Variants in CADPS observed in about 807,000 individuals in gnomAD.
CADPS encodes calcium dependent secretion activator.
CADPS carries 57 observed loss-of-function variants against 167.3 expected under a neutral mutation model. That is an observed-to-expected ratio of 0.34 (90% CI 0.28 to 0.42). The LOEUF is 0.42. Ranked by LOEUF, CADPS falls within the 20% of genes least tolerant of loss-of-function variation. The pLI is 1.00. For synonymous variants in CADPS, 676 were observed against 635.3 expected (o/e 1.06, Z -0.96); for missense variants, 1,414 against 1,738.1 (o/e 0.81, Z 3.32).
At chr3:62,836,198 T>G (rs1186042595) in intron 1 of CADPS, among the ~76,000 whole-genome samples, 1 of 152,198 alleles carries the variant, frequency 6.6e-6, no homozygotes, top group Admixed American at 6.5e-5. Flanking sequence ...TGGTCTAATA[T>G]GAACTTTGAA....
chr3:62,716,277 C>T (rs304197), intron 3 of CADPS, among the ~76,000 whole-genome samples: 9,938 of 152,088 alleles, frequency 0.065, 372 homozygotes, highest in Middle Eastern at 0.096. Flanking sequence ...TGGTCTCAAA[C>T]TCCTGGCCTC....
At chr3:62,752,546 A>C (rs1247608903) in intron 3 of CADPS, among the ~76,000 whole-genome samples, 1 of 152,226 alleles carries the variant, frequency 6.6e-6, no homozygotes, top group African/African-American at 2.4e-5. Flanking sequence ...TTTACTGAGC[A>C]TTCACTCTGT....
chr3:62,849,670 T>A (rs994481057), intron 1 of CADPS, among the ~76,000 whole-genome samples: 2 of 138,948 alleles, frequency 1.4e-5, no homozygotes, highest in Non-Finnish European at 3.1e-5. Flanking sequence ...GCTGCTGGAT[T>A]CGGTTTGCCA....
intron 10 of CADPS, chr3:62,550,788 C>T (rs1182753724): frequency 2.2e-6 from 1 of 456,496 alleles, no homozygotes; most frequent in Non-Finnish European, 4.4e-6. Flanking sequence ...CCAGTGACCT[C>T]CACATTGCTG....
intron 10 of CADPS, among the ~76,000 whole-genome samples, chr3:62,552,424 C>CAGGCCT (rs1014192691): frequency 2.1e-4 from 32 of 152,290 alleles, no homozygotes; most frequent in African/African-American, 7.0e-4. Context: ...TCTTTGGGTT[C>CAGGCCT]AGGCCAAAGC....
intron 6 of CADPS, among the ~76,000 whole-genome samples, chr3:62,607,695 T>C (rs1475142204): frequency 1.3e-5 from 2 of 152,110 alleles, no homozygotes; most frequent in African/African-American, 4.8e-5. Context: ...GAAGCTGTTG[T>C]TGGTTTGCAT....
chr3:62,609,418 C>A (rs1311994472), intron 6 of CADPS, among the ~76,000 whole-genome samples: 1 of 152,144 alleles, frequency 6.6e-6, no homozygotes, highest in Admixed American at 6.5e-5. Flanking sequence ...AGGTTTCCAC[C>A]ACATTGAGTG....
Position 62,874,508 on chromosome 3 carries a change from T to TGCGCCGCCAGCTCCCATTGTTC in CADPS, c.441+59_441+80dup. 1 of 1,111,840 alleles carries TGCGCCGCCAGCTCCCATTGTTC rather than the reference T, an allele frequency of 9.0e-7. No homozygotes were observed. Among genetic ancestry groups the TGCGCCGCCAGCTCCCATTGTTC allele is most frequent in the Non-Finnish European group, 1.3e-6 (1 of 767,596 alleles). The allele number at this position is 1,111,840 out of a possible 1,614,324, so 68.9% of individuals were successfully genotyped here. On this transcript the variant is annotated intron_variant, in intron 1 of 29. Transcript: ENST00000383710. The surrounding 1 kb of genome is among the most constrained non-coding windows in gnomAD (Gnocchi z 7.1). ...ACCTCTCCTGCTCCTCCTCGCCAGC[T>TGCGCCGCCAGCTCCCATTGTTC]GCGCCGCCAGCTCCCATTGTTCACC...
At chr3:62,430,913 A>T (rs1393246219) in intron 28 of CADPS, among the ~76,000 whole-genome samples, 1 of 152,054 alleles carries the variant, frequency 6.6e-6, no homozygotes, top group Admixed American at 6.6e-5. Context: ...TAGATGAAAG[A>T]ATCAACTGTC....
intron 17 of CADPS, among the ~76,000 whole-genome samples, chr3:62,504,320 A>G (rs995504892): frequency 1.3e-5 from 2 of 152,212 alleles, no homozygotes; most frequent in African/African-American, 4.8e-5. Context: ...TTTTGTTAAA[A>G]TCTGGTTTTC....
At chr3:62,760,797 A>G (rs1381657626) in intron 2 of CADPS, among the ~76,000 whole-genome samples, 1 of 152,246 alleles carries the variant, frequency 6.6e-6, no homozygotes, top group African/African-American at 2.4e-5. Flanking sequence ...TTAAATAAAA[A>G]AAGTTCAACC....
chr3:62,754,064 G>A (rs911773658), intron 2 of CADPS, among the ~76,000 whole-genome samples: 2 of 152,208 alleles, frequency 1.3e-5, no homozygotes, highest in Non-Finnish European at 2.9e-5. Flanking sequence ...ATACAGACCT[G>A]TGCCCGGGCT....
At chr3:62,413,408 G>A (rs900758682) in intron 28 of CADPS, among the ~76,000 whole-genome samples, 5 of 152,114 alleles carry the variant, frequency 3.3e-5, no homozygotes, top group African/African-American at 1.2e-4. Flanking sequence ...TAAACAAAAT[G>A]GGGTATATAC....
At chr3:62,497,865 A>G (rs2065076635) in intron 18 of CADPS, among the ~76,000 whole-genome samples, 1 of 152,222 alleles carries the variant, frequency 6.6e-6, no homozygotes, top group African/African-American at 2.4e-5. Flanking sequence ...CAGGCTAAGG[A>G]CAGAATCAAG....
intron 27 of CADPS, among the ~76,000 whole-genome samples, chr3:62,441,387 G>A (rs772614838): frequency 9.9e-5 from 15 of 152,112 alleles, no homozygotes; most frequent in East Asian, 1.9e-4. Flanking sequence ...TGCCCCTACC[G>A]GAATACTTCT....
intron 1 of CADPS, among the ~76,000 whole-genome samples, chr3:62,848,055 T>C (rs1427771864): frequency 7.6e-6 from 1 of 130,776 alleles, no homozygotes; most frequent in African/African-American, 3.3e-5. Flanking sequence ...TTTCATGTGT[T>C]TTTTGGCTGC....
chr3:62,845,566 A>T (rs2077281274), intron 1 of CADPS, among the ~76,000 whole-genome samples: 1 of 152,128 alleles, frequency 6.6e-6, no homozygotes, highest in African/African-American at 2.4e-5. Context: ...ATAATTATAG[A>T]GGGGATTTGG....
chr3:62,454,458 G>A (rs757969286), intron 26 of CADPS, among the ~76,000 whole-genome samples: 1 of 152,146 alleles, frequency 6.6e-6, no homozygotes, highest in Non-Finnish European at 1.5e-5. Flanking sequence ...AGAAGTAGCA[G>A]AGCTAGGATT....
chr3:62,462,198 G>A (rs777977857), intron 26 of CADPS, among the ~76,000 whole-genome samples: 6 of 152,198 alleles, frequency 3.9e-5, no homozygotes, highest in Non-Finnish European at 7.3e-5. Context: ...CTTCCAACTG[G>A]GCTGATCTTT....
Sources: gnomAD v4.1 joint callset for allele counts (sites outside exome capture counted in the v4.1 genomes callset) on GRCh38, gnomAD v4.1.1 for gene constraint, Gnocchi (gnomAD v3.1) non-coding constraint, MANE v1.5 for transcripts, NCBI Gene and HGNC (gene_info 2026-07-23, HGNC 2026-07-21) for gene names.